Variants in GULP1 observed in about 807,000 individuals in gnomAD.
The protein encoded by GULP1 is GULP PTB domain containing engulfment adaptor 1.
A neutral mutation model predicts 40.9 loss-of-function variants in GULP1; 19 were observed. That is an observed-to-expected ratio of 0.46 (90% CI 0.32 to 0.68). The LOEUF is 0.68. Ranked by LOEUF, GULP1 falls within the 30% of genes least tolerant of loss-of-function variation. The probability of loss-of-function intolerance (pLI) is 0.03; values close to 1 mark genes in which losing one functional copy is unlikely to be tolerated. For missense variants in GULP1, 312 were observed against 362.2 expected (o/e 0.86, Z 1.12); for synonymous variants, 119 against 117.6 (o/e 1.01, Z -0.08).
intron 2 of GULP1, among the ~76,000 whole-genome samples, chr2:188,477,067 A>G (rs1217203161): frequency 6.6e-6 from 1 of 152,168 alleles, no homozygotes; most frequent in Non-Finnish European, 1.5e-5. Flanking sequence ...AATAATGCAT[A>G]TAAAAAGAGC....
intron 2 of GULP1, among the ~76,000 whole-genome samples, chr2:188,429,815 G>A (rs893459715): frequency 9.9e-5 from 15 of 151,398 alleles, no homozygotes; most frequent in African/African-American, 3.4e-4. Flanking sequence ...TTCACCCGCC[G>A]TTCTCCTGCC....
intron 1 of GULP1, among the ~76,000 whole-genome samples, chr2:188,305,115 T>C (rs2036831452): frequency 6.6e-6 from 1 of 152,056 alleles, no homozygotes; most frequent in Non-Finnish European, 1.5e-5. Context: ...GATCCCCTCT[T>C]TGGATGTGAT....
intron 1 of GULP1, among the ~76,000 whole-genome samples, chr2:188,375,853 C>T (rs58715158): frequency 0.067 from 10,162 of 151,996 alleles, 1,060 homozygotes; most frequent in African/African-American, 0.22. Context: ...TCCATATTCG[C>T]AGGGTTTTAC....
At chr2:188,585,279 A>G (rs1401668796) in intron 10 of GULP1, among the ~76,000 whole-genome samples, 1 of 152,208 alleles carries the variant, frequency 6.6e-6, no homozygotes, top group African/African-American at 2.4e-5. Flanking sequence ...TGACAGGCAC[A>G]CAGTGCAAGC....
rs553279376 is a variant in GULP1 at position 188,425,625 on chromosome 2, T to C, written c.-45+41736T>C. Among the ~76,000 whole-genome samples the C allele has an allele frequency of 7.2e-5, 11 of 152,290 alleles. No individual in the cohort carries two copies. In the South Asian group the frequency reaches 1.9e-3, roughly 26 times the overall value. ...CATTTATATCTCTTTTCACGTATATTTTCCAGTTCTCAATAGCACTGAAGG... is the reference window on the plus strand; with the variant it reads ...CATTTATATCTCTTTTCACGTATATCTTCCAGTTCTCAATAGCACTGAAGG... On this transcript the variant is annotated intron_variant, in intron 2 of 11. Transcript: ENST00000409830.
chr2:188,451,021 C>T (rs1289564731), intron 2 of GULP1, among the ~76,000 whole-genome samples: 1 of 152,196 alleles, frequency 6.6e-6, no homozygotes, highest in African/African-American at 2.4e-5. Flanking sequence ...TATATGCTAC[C>T]ATTTAAACTC....
At chr2:188,521,448 A>G (rs2065767368) in intron 4 of GULP1, among the ~76,000 whole-genome samples, 2 of 152,190 alleles carry the variant, frequency 1.3e-5, no homozygotes, top group Non-Finnish European at 2.9e-5. Context: ...TTTATAAAGG[A>G]AAGAGGTTTA....
Position 188,465,763 on chromosome 2 carries a change from T to C in GULP1, c.-44-11896T>C, listed in dbSNP as rs73978239. ...AGTTCAATGCCTCAGAATTGCTAGC[T>C]CTTACTCTCCCCAGTGCACAGCAAT... is the stretch of plus-strand genomic sequence containing the variant. On this transcript the variant is annotated intron_variant, in intron 2 of 11. Transcript: ENST00000409830. Among the ~76,000 whole-genome samples the C allele has an allele frequency of 9.6e-3, 1,467 of 152,160 alleles. 23 individuals are homozygous for C. Among genetic ancestry groups the C allele is most frequent in the African/African-American group, 0.033 (1,373 of 41,508 alleles).
chr2:188,595,425 T>C lies in GULP1; in HGVS notation c.*1414T>C, dbSNP rs747165675. On this transcript the variant is annotated 3_prime_UTR_variant, in exon 12 of 12. Coordinates refer to ENST00000409830, the MANE Select transcript of GULP1 (RefSeq NM_016315.4). ...TATGCTTATGCAATATATATTTGTGTGTTTTTCCTTAATGTTATATGGTAT... is the reference window on the plus strand; with the variant it reads ...TATGCTTATGCAATATATATTTGTGCGTTTTTCCTTAATGTTATATGGTAT... 2.0e-5 allele frequency: 3 copies of C among 152,206 alleles called. No individual in the cohort carries two copies. Among genetic ancestry groups the C allele is most frequent in the African/African-American group, 7.2e-5 (3 of 41,418 alleles). The allele number at this position is 152,206 out of a possible 1,614,324, so 9.4% of individuals were successfully genotyped here. A position where few individuals can be genotyped will look rare whatever the true frequency, so the allele number is the denominator to read the frequency against.
chr2:188,555,720 T>C (rs1485005199), intron 7 of GULP1, among the ~76,000 whole-genome samples: 1 of 152,138 alleles, frequency 6.6e-6, no homozygotes. Context: ...TTAGGGATCA[T>C]TGATCTTTCA....
At chr2:188,370,218 GA>G (rs907929490) in intron 1 of GULP1, among the ~76,000 whole-genome samples, 1 of 152,120 alleles carries the variant, frequency 6.6e-6, no homozygotes, top group African/African-American at 2.4e-5. Flanking sequence ...GAGAATGGGG[GA>G]TGACATTCAC....
chr2:188,387,384 T>C (rs1438740005), intron 2 of GULP1, among the ~76,000 whole-genome samples: 6 of 152,196 alleles, frequency 3.9e-5, no homozygotes, highest in South Asian at 4.1e-4. Context: ...TGATTAGCAA[T>C]GGCAGTGAGG....
In GULP1 at chr2:188,427,459, G is replaced by A. The variant is rs186600982; in HGVS notation, c.-45+43570G>A. ...CCATTACAGGCATGGGGACCTAGGA[G>A]AACTCAATCGTTTCATGGGCCAGGC... On this transcript the variant is annotated intron_variant, in intron 2 of 11. Transcript: ENST00000409830. Among the ~76,000 whole-genome samples the A allele has an allele frequency of 7.9e-5, 12 of 152,344 alleles. No homozygotes were observed. The South Asian group carries it at 2.5e-3, about 32-fold the overall frequency.
At chr2:188,565,940 CTA>C (rs531742485) in intron 7 of GULP1, among the ~76,000 whole-genome samples, 197 of 152,050 alleles carry the variant, frequency 1.3e-3, no homozygotes, top group Non-Finnish European at 1.3e-3. Context: ...ACATATTAGT[CTA>C]TTTTTATAGA....
At chr2:188,438,087 A>T (rs764643151) in intron 2 of GULP1, among the ~76,000 whole-genome samples, 6 of 152,186 alleles carry the variant, frequency 3.9e-5, no homozygotes, top group African/African-American at 1.4e-4. Flanking sequence ...GTTTAAAAAC[A>T]TTAAAAAATA....
intron 11 of GULP1, 196 bp downstream of exon 11, chr2:188,588,145 G>GT: frequency 1.7e-6 from 1 of 581,902 alleles, no homozygotes; most frequent in Non-Finnish European, 3.1e-6. Context: ...AAGGTTGTTG[G>GT]TTTTTTAAAT....
intron 4 of GULP1, among the ~76,000 whole-genome samples, chr2:188,514,171 G>A (rs2064944320): frequency 6.6e-6 from 1 of 151,752 alleles, no homozygotes; most frequent in Non-Finnish European, 1.5e-5. Flanking sequence ...CTGGGACCCT[G>A]AGCTAAAACA....
chr2:188,525,778 G>C (rs374550503), intron 5 of GULP1, among the ~76,000 whole-genome samples: 1 of 152,156 alleles, frequency 6.6e-6, no homozygotes, highest in Non-Finnish European at 1.5e-5. Context: ...GTCAAGTCTT[G>C]TGAAGTCTCA....
chr2:188,356,688 T>G (rs1455243866), intron 1 of GULP1, among the ~76,000 whole-genome samples: 1 of 152,028 alleles, frequency 6.6e-6, no homozygotes, highest in African/African-American at 2.4e-5. Context: ...AAAAAACAAT[T>G]CTAAAATTCT....
Sources: gnomAD v4.1 joint callset for allele counts (sites outside exome capture counted in the v4.1 genomes callset) on GRCh38, gnomAD v4.1.1 for gene constraint, MANE v1.5 for transcripts, NCBI Gene and HGNC (gene_info 2026-07-23, HGNC 2026-07-21) for gene names.